The following TENM4 variants were observed in gnomAD, a reference collection of about 807,000 sequenced individuals.
The protein encoded by TENM4 is teneurin-4.
Under a neutral mutation model 243.3 loss-of-function variants are expected in TENM4, and 82 were observed. That is an observed-to-expected ratio of 0.34 (90% confidence interval 0.28 to 0.40). The LOEUF is 0.40. Ranked by LOEUF, TENM4 falls within the 10% of genes least tolerant of loss-of-function variation. The pLI is 1.00. For missense variants in TENM4, 3,138 were observed against 3,673.3 expected, an observed-to-expected ratio of 0.85 and a Z score of 3.77; for synonymous variants, 1,412 against 1,456.3, an observed-to-expected ratio of 0.97 and a Z score of 0.69.
At chr11:78,893,415 G>A (rs1262426284) in intron 7 of TENM4, among the ~76,000 whole-genome samples, 1 of 152,174 alleles carries the variant, frequency 6.6e-6, no homozygotes, top group African/African-American at 2.4e-5. Flanking sequence ...AGTGTAATTT[G>A]GATCATATCA....
intron 10 of TENM4, among the ~76,000 whole-genome samples, chr11:78,861,266 A>C (rs1252466273): frequency 2.6e-5 from 4 of 152,230 alleles, no homozygotes; most frequent in African/African-American, 9.6e-5. Flanking sequence ...TGCTATTTTC[A>C]TATGTAGAAC....
At chr11:79,401,742 C>T (rs982112427) in intron 1 of TENM4, among the ~76,000 whole-genome samples, 9 of 152,188 alleles carry the variant, frequency 5.9e-5, no homozygotes, top group African/African-American at 1.9e-4. Flanking sequence ...AAATGAGTGA[C>T]CCCTGGATCT....
At chr11:78,964,811 T>G (rs1194823394) in intron 6 of TENM4, among the ~76,000 whole-genome samples, 1 of 152,166 alleles carries the variant, frequency 6.6e-6, no homozygotes, top group African/African-American at 2.4e-5. Flanking sequence ...GGGGTTTGTA[T>G]CACAGACTTA....
chr11:78,955,538 T>C (rs1475043496), intron 6 of TENM4, among the ~76,000 whole-genome samples: 1 of 152,106 alleles, frequency 6.6e-6, no homozygotes, highest in Non-Finnish European at 1.5e-5. Flanking sequence ...GGGAGTGGTG[T>C]AGGAATTCCT....
At chr11:79,339,113 C>G (rs1197467724) in intron 1 of TENM4, among the ~76,000 whole-genome samples, 1 of 152,218 alleles carries the variant, frequency 6.6e-6, no homozygotes, top group African/African-American at 2.4e-5. Context: ...TACTCCAACT[C>G]CAGCATCAGG....
intron 19 of TENM4, among the ~76,000 whole-genome samples, chr11:78,750,778 A>T (rs1238227666): frequency 6.6e-6 from 1 of 152,106 alleles, no homozygotes; most frequent in African/African-American, 2.4e-5. Context: ...CCCCAAAGTA[A>T]TGGGGTGAGA....
At chr11:78,792,088 G>C (rs1239241216) in intron 15 of TENM4, among the ~76,000 whole-genome samples, 2 of 152,216 alleles carry the variant, frequency 1.3e-5, no homozygotes, top group Non-Finnish European at 2.9e-5. Flanking sequence ...TCTAGGATGA[G>C]TGGTGACAAC....
chr11:79,252,614 G>A (rs1346584738), intron 2 of TENM4, among the ~76,000 whole-genome samples: 6 of 152,176 alleles, frequency 3.9e-5, no homozygotes, highest in African/African-American at 9.6e-5. Flanking sequence ...TATAGTGGAA[G>A]ATTGAATCAT....
At chr11:78,891,888 G>T (rs1335274037) in intron 7 of TENM4, among the ~76,000 whole-genome samples, 2 of 152,094 alleles carry the variant, frequency 1.3e-5, no homozygotes, top group African/African-American at 4.8e-5. Context: ...AGCATTTTTG[G>T]CCACTGTCTT....
chr11:79,361,579 G>T (rs1029932759), intron 1 of TENM4, among the ~76,000 whole-genome samples: 1 of 152,126 alleles, frequency 6.6e-6, no homozygotes, highest in Non-Finnish European at 1.5e-5. Flanking sequence ...CCACACCTTT[G>T]TAAATAGTCC....
chr11:78,713,471 T>C (rs1352067652), intron 25 of TENM4, among the ~76,000 whole-genome samples: 1 of 152,164 alleles, frequency 6.6e-6, no homozygotes, highest in Non-Finnish European at 1.5e-5. Flanking sequence ...AGAGATGCCT[T>C]GGGGAGACAA....
rs988180159 is a variant in TENM4 at position 78,903,432 on chromosome 11, G to A, written c.585C>T (p.Ala195=). The A allele has an allele frequency of 3.9e-6, 6 of 1,547,798 alleles. No homozygotes were observed. In the East Asian group the frequency reaches 1.2e-4, roughly 32 times the overall value. The change falls in exon 7 of 34, where the codon GCC becomes GCT. Residue 195 remains alanine (A), a synonymous_variant. Coordinates refer to ENST00000278550, the MANE Select transcript of TENM4 (RefSeq NM_001098816.3). ...HAHTPNQHHA[A]SINSLNRGNF... Reference sequence around the variant, plus strand: ...TGCCCCGGTTCAGGGAGTTAATGGAGGCCGCGTGGTGCTGGTTGGGGGTGT... The same window carrying A: ...TGCCCCGGTTCAGGGAGTTAATGGAAGCCGCGTGGTGCTGGTTGGGGGTGT...
At chr11:79,324,774 A>G (rs1193017292) in intron 1 of TENM4, among the ~76,000 whole-genome samples, 1 of 152,152 alleles carries the variant, frequency 6.6e-6, no homozygotes, top group African/African-American at 2.4e-5. Context: ...TTCTGGGTAG[A>G]TGACACTGCT....
At chr11:79,066,060 G>A (rs189663822) in intron 5 of TENM4, among the ~76,000 whole-genome samples, 32 of 152,308 alleles carry the variant, frequency 2.1e-4, no homozygotes, top group Admixed American at 5.2e-4. Context: ...AATTCATGCC[G>A]GCCCTGGGCC....
chr11:79,073,705 T>G (rs1331802060), intron 4 of TENM4, among the ~76,000 whole-genome samples: 1 of 152,182 alleles, frequency 6.6e-6, no homozygotes, highest in African/African-American at 2.4e-5. Context: ...ATTTAACCTC[T>G]CTGTGCTTCA....
At chr11:79,090,687 C>G (rs558047306) in intron 4 of TENM4, among the ~76,000 whole-genome samples, 9 of 152,324 alleles carry the variant, frequency 5.9e-5, no homozygotes, top group African/African-American at 2.2e-4. Flanking sequence ...CTACTTTTGG[C>G]ACTTAAGAGG....
rs149745986 is a variant in TENM4, at chr11:78,676,125, G to A, written c.5496+27C>T. ...GTTCCCCATTCTTTCCCCCCAGGAC[G>A]CAGCCACCTCCAGAGGCCTCGCTCA... On this transcript the variant is annotated intron_variant, in intron 30 of 33. Coordinates refer to ENST00000278550, the MANE Select transcript of TENM4 (RefSeq NM_001098816.3). 552 of 1,463,216 alleles carry A rather than the reference G, an allele frequency of 3.8e-4. No homozygotes were observed. The African/African-American group carries it at 7.0e-3, about 19-fold the overall frequency. 90.6% of individuals were successfully genotyped at this position (1,463,216 alleles called of 1,614,324 possible). A position where few individuals can be genotyped will look rare whatever the true frequency, so the allele number is the denominator to read the frequency against.
chr11:78,762,360 C>T (rs1337503518), intron 18 of TENM4, among the ~76,000 whole-genome samples: 1 of 152,206 alleles, frequency 6.6e-6, no homozygotes, highest in East Asian at 1.9e-4. Context: ...ACATGACAAC[C>T]CTTTCTGGAT....
intron 2 of TENM4, among the ~76,000 whole-genome samples, chr11:79,255,068 C>T (rs1161942627): frequency 6.6e-6 from 1 of 152,202 alleles, no homozygotes; most frequent in Non-Finnish European, 1.5e-5. Context: ...GCATGGGCAG[C>T]AGCCCCGCTG....
Sources: gnomAD v4.1 joint callset for allele counts (sites outside exome capture counted in the v4.1 genomes callset) on GRCh38, gnomAD v4.1.1 for gene constraint, MANE v1.5 for transcripts, NCBI Gene and HGNC (gene_info 2026-07-23, HGNC 2026-07-21) for gene names.